Variants in GYPC observed in about 807,000 individuals in gnomAD.
GYPC encodes glycophorin-C.
Under a neutral mutation model 12.6 loss-of-function variants are expected in GYPC, and 14 were observed. That is an observed-to-expected ratio of 1.11 (90% CI 0.74 to 1.74). The LOEUF is 1.74. GYPC is among the 40% of genes most tolerant of loss of function. GYPC has a pLI of 0.00. For synonymous variants in GYPC, 78 were observed against 62.1 expected, an observed-to-expected ratio of 1.26 and a Z score of -1.20; for missense variants, 225 against 172.1, an observed-to-expected ratio of 1.31 and a Z score of -1.72.
chr2:126,667,378 C>A (rs1338518683), intron 1 of GYPC, among the ~76,000 whole-genome samples: 1 of 151,882 alleles, frequency 6.6e-6, no homozygotes, highest in East Asian at 1.9e-4. Flanking sequence ...CATTGCCTAT[C>A]ACATGATCTG....
chr2:126,686,168 G>T (rs1683283767), intron 1 of GYPC: 6 of 985,312 alleles, frequency 6.1e-6, no homozygotes, highest in African/African-American at 1.7e-5. Context: ...AGAGGCTCTT[G>T]GTGGCAACAG....
chr2:126,695,948 G>C lies in GYPC; in HGVS notation c.193G>C (p.Val65Leu). Residue 65 changes from valine to leucine, a missense_variant and splice_region_variant, in exon 4 of 4, where the codon GTG (valine) becomes CTG (leucine). Coordinates refer to ENST00000259254, the MANE Select transcript of GYPC (RefSeq NM_002101.5). ...CTTGCACCTCTTCCCACCTGCAGGTGTGATTGCTGCTGTGGCCATCGTCCT... is the reference window on the plus strand; with the variant it reads ...CTTGCACCTCTTCCCACCTGCAGGTCTGATTGCTGCTGTGGCCATCGTCCT... ...TIMDIVVIAG[V>L]IAAVAIVLVS... is the part of the protein sequence containing the mutation. The C allele has an allele frequency of 6.2e-7, 1 of 1,613,830 alleles. No homozygotes were observed. Among genetic ancestry groups the C allele is most frequent in the Non-Finnish European group, 8.5e-7 (1 of 1,179,820 alleles).
chr2:126,686,088 G>A (rs946808719), intron 1 of GYPC: 3 of 985,124 alleles, frequency 3.0e-6, no homozygotes, highest in Admixed American at 1.2e-4. Context: ...GCCGGGAAAT[G>A]TAAAGACCAG....
intron 1 of GYPC, chr2:126,686,156 A>G: frequency 1.0e-6 from 1 of 985,418 alleles, no homozygotes; most frequent in Non-Finnish European, 1.2e-6. Flanking sequence ...ATGCAAGAGA[A>G]GAGAGGCTCT....
chr2:126,666,766 C>T (rs374212209), intron 1 of GYPC, among the ~76,000 whole-genome samples: 34 of 148,310 alleles, frequency 2.3e-4, no homozygotes, highest in African/African-American at 8.4e-4. Flanking sequence ...CATATGCACG[C>T]ACACACACAA....
Position 126,690,312 on chromosome 2 carries a change from G to C in GYPC, c.106+1G>C. On this transcript the variant is annotated splice_donor_variant, in intron 2 of 3. Transcript: ENST00000259254. LOFTEE classifies it high-confidence loss of function. Reference sequence around the variant, plus strand: ...ACAATGCATACTACCACCATTGCAGGTGAGTTCTCATCACAGAGCCTCACC... The same window carrying C: ...ACAATGCATACTACCACCATTGCAGCTGAGTTCTCATCACAGAGCCTCACC... 6.2e-7 allele frequency: 1 copy of C among 1,606,684 alleles called. No individual in the cohort carries two copies. Among genetic ancestry groups the C allele is most frequent in the South Asian group, 1.1e-5 (1 of 90,944 alleles).
intron 1 of GYPC, among the ~76,000 whole-genome samples, chr2:126,659,108 C>T (rs1303389361): frequency 6.9e-6 from 1 of 144,920 alleles, no homozygotes; most frequent in African/African-American, 2.5e-5. Context: ...TATTTCCCTG[C>T]GTCCTCACTC....
rs61649506 is a variant in GYPC at position 126,663,950 on chromosome 2, GTCTCTCTCTCTCTCTCTC to G, written c.49+7672_49+7689del. On this transcript the variant is annotated intron_variant, in intron 1 of 3. Coordinates refer to ENST00000259254, the MANE Select transcript of GYPC (RefSeq NM_002101.5). ...GGAGCTGGGTCTCTCTAAGGTTCTGGTCTCTCTCTCTCTCTCTCTCTCTCTCTCTCTCTCTCTCTCTCT... is the reference window on the plus strand; with the variant it reads ...GGAGCTGGGTCTCTCTAAGGTTCTGGTCTCTCTCTCTCTCTCTCTCTCTCT... 4.4e-3 allele frequency among the ~76,000 whole-genome samples: 574 copies of G among 129,934 alleles called. 6 individuals carry two copies. Among genetic ancestry groups the G allele is most frequent in the East Asian group, 0.029 (129 of 4,502 alleles). 85.2% of individuals were successfully genotyped at this position (129,934 alleles called of 152,430 possible). A position where few individuals can be genotyped will look rare whatever the true frequency, so the allele number is the denominator to read the frequency against.
intron 1 of GYPC, among the ~76,000 whole-genome samples, chr2:126,665,639 A>G (rs1296210247): frequency 2.0e-5 from 3 of 152,198 alleles, no homozygotes; most frequent in Admixed American, 6.5e-5. Flanking sequence ...TGATCACCTC[A>G]GATGGGGGCC....
chr2:126,686,006 GGACAGGAGGAA>G (rs2104799674), intron 1 of GYPC: 4 of 985,410 alleles, frequency 4.1e-6, no homozygotes, highest in Non-Finnish European at 4.8e-6. Context: ...TGGGACAGAT[GGACAGGAGGAA>G]GACAGGAAGT....
At chr2:126,664,065 A>G (rs1682616390) in intron 1 of GYPC, among the ~76,000 whole-genome samples, 2 of 151,712 alleles carry the variant, frequency 1.3e-5, no homozygotes. Context: ...GAGGGGAGCC[A>G]GGCCTTGCTT....
chr2:126,656,427 TC>T, intron 1 of GYPC, 115 bp downstream of exon 1: 1 of 893,060 alleles, frequency 1.1e-6, no homozygotes, highest in Non-Finnish European at 1.7e-6. Context: ...GTGCCGGGCC[TC>T]CAGGCGGAGG....
chr2:126,681,735 C>A (rs1486882320), intron 1 of GYPC, among the ~76,000 whole-genome samples: 4 of 149,302 alleles, frequency 2.7e-5, no homozygotes, highest in African/African-American at 9.9e-5. Context: ...GCCAAGATTG[C>A]GCCATTGCAC....
chr2:126,670,448 G>A (rs1682817461), intron 1 of GYPC, among the ~76,000 whole-genome samples: 1 of 152,222 alleles, frequency 6.6e-6, no homozygotes, highest in Non-Finnish European at 1.5e-5. Flanking sequence ...GTGGCCTTGG[G>A]GTACTGGTTT....
At chr2:126,693,736 G>T in intron 2 of GYPC, 128 bp from the exon 3 acceptor site, 1 of 763,432 alleles carries the variant, frequency 1.3e-6, no homozygotes, top group Non-Finnish European at 2.4e-6. Flanking sequence ...GCGCCGCACT[G>T]CTCCTTTCCA....
intron 2 of GYPC, among the ~76,000 whole-genome samples, chr2:126,693,208 A>G: frequency 6.6e-6 from 1 of 152,360 alleles, no homozygotes; most frequent in African/African-American, 2.4e-5. Flanking sequence ...AGCTGTCGTG[A>G]GACTGGATTA....
intron 1 of GYPC, among the ~76,000 whole-genome samples, chr2:126,657,134 T>C (rs1682385291): frequency 6.6e-6 from 1 of 152,236 alleles, no homozygotes; most frequent in Non-Finnish European, 1.5e-5. Flanking sequence ...GATAATGATA[T>C]GGGTATTGGA....
At chr2:126,679,679 AC>A (rs1558886047) in intron 1 of GYPC, 1 of 152,074 alleles carries the variant, frequency 6.6e-6, no homozygotes. Context: ...GGTGTTTGAG[AC>A]CAGCCTGACC....
intron 1 of GYPC, among the ~76,000 whole-genome samples, chr2:126,681,229 T>C (rs1471665107): frequency 6.6e-6 from 1 of 152,220 alleles, no homozygotes; most frequent in Non-Finnish European, 1.5e-5. Flanking sequence ...ATATTTTTCA[T>C]CATTTCTATT....
Sources: gnomAD v4.1 joint callset for allele counts (sites outside exome capture counted in the v4.1 genomes callset) on GRCh38, gnomAD v4.1.1 for gene constraint, MANE v1.5 for transcripts, NCBI Gene and HGNC (gene_info 2026-07-23, HGNC 2026-07-21) for gene names.